Variants in THSD4 observed in about 807,000 individuals in gnomAD.
THSD4 encodes the protein thrombospondin type 1 domain containing 4.
Under a neutral mutation model 119.0 loss-of-function variants are expected in THSD4, and 69 were observed. The ratio of observed to expected loss-of-function variants is 0.58; its 90% CI spans 0.48 to 0.71. The LOEUF is 0.71. Ranked by LOEUF, THSD4 falls within the 30% of genes least tolerant of loss-of-function variation. The pLI is 0.00. For synonymous variants in THSD4, 524 were observed against 540.4 expected, an observed-to-expected ratio of 0.97 and a Z score of 0.42; for missense variants, 1,393 against 1,391.1, an observed-to-expected ratio of 1.00 and a Z score of -0.02.
chr15:71,628,938 G>A (rs1232707770), intron 7 of THSD4, among the ~76,000 whole-genome samples: 1 of 152,206 alleles, frequency 6.6e-6, no homozygotes, highest in African/African-American at 2.4e-5. Flanking sequence ...TATTTATTGA[G>A]TGCCTATGGT....
At chr15:71,410,438 C>T (rs965394497) in intron 6 of THSD4, among the ~76,000 whole-genome samples, 1 of 152,138 alleles carries the variant, frequency 6.6e-6, no homozygotes, top group African/African-American at 2.4e-5. Context: ...AGTACAAATG[C>T]AGGCCAGCCA....
intron 7 of THSD4, among the ~76,000 whole-genome samples, chr15:71,431,966 A>G (rs575475025): frequency 2.0e-5 from 3 of 152,286 alleles, no homozygotes; most frequent in East Asian, 1.9e-4. Context: ...TCAGAAGTCA[A>G]TGGTGGATTA....
At chr15:71,469,792 CAT>C (rs1333080895) in intron 7 of THSD4, among the ~76,000 whole-genome samples, 2 of 152,170 alleles carry the variant, frequency 1.3e-5, no homozygotes, top group African/African-American at 2.4e-5. Context: ...TGGCACCTGA[CAT>C]ATAGCAGGCC....
rs376141945 is a variant in THSD4 at position 71,765,110 on chromosome 15, G to A, written c.2680G>A (p.Glu894Lys). Reference protein sequence around the residue: ...ADTFEVLDPSECSFLEKPPSQ... With the variant: ...ADTFEVLDPSKCSFLEKPPSQ... ...CACCTTTGAAGTGTTGGACCCCTCT[G>A]AATGTTCTTTCCTGGAGAAACCCCC... Residue 894 changes from glutamate (E) to lysine (K), a missense_variant, in exon 16 of 18, where the codon GAA (glutamate) becomes AAA (lysine). By Grantham distance (56) the Glu-to-Lys change is moderately conservative. Transcript: ENST00000261862. 1.6e-4 allele frequency: 266 copies of A among 1,614,232 alleles called. No homozygotes were observed. In the African/African-American group the frequency reaches 3.2e-3, roughly 19 times the overall value.
intron 5 of THSD4, among the ~76,000 whole-genome samples, chr15:71,249,196 C>G (rs1412903376): frequency 6.6e-6 from 1 of 151,976 alleles, no homozygotes; most frequent in African/African-American, 2.4e-5. Flanking sequence ...ACACACCACA[C>G]ACACATATAT....
intron 7 of THSD4, among the ~76,000 whole-genome samples, chr15:71,656,502 C>T (rs2051195492): frequency 6.6e-6 from 1 of 152,186 alleles, no homozygotes; most frequent in African/African-American, 2.4e-5. Flanking sequence ...GGGTTGGTCC[C>T]TCTTAATCCT....
intron 6 of THSD4, among the ~76,000 whole-genome samples, chr15:71,266,806 A>G (rs1283959309): frequency 2.0e-5 from 3 of 152,002 alleles, no homozygotes; most frequent in Non-Finnish European, 4.4e-5. Context: ...CAAGAACTTC[A>G]TGAAGCATAT....
At position 71,763,070 on chromosome 15, in the gene THSD4, C is replaced by CA. The variant is rs1005582492; in HGVS notation, c.2590-1940dup. On this transcript the variant is annotated intron_variant, in intron 15 of 17. Transcript: ENST00000261862. ...TGGGCAACAGAGCAAGACTCCATCT[C>CA]AAAAAAAAAATTTTTTTTTAGTAAA... is the stretch of plus-strand genomic sequence containing the variant. Among the ~76,000 whole-genome samples the CA allele has an allele frequency of 1.3e-3, 193 of 149,132 alleles. 1 individual carries two copies. The East Asian group carries it at 0.013, about 10-fold the overall frequency.
intron 7 of THSD4, among the ~76,000 whole-genome samples, chr15:71,562,053 GA>G (rs2049131450): frequency 6.6e-6 from 1 of 152,138 alleles, no homozygotes; most frequent in Admixed American, 6.5e-5. Flanking sequence ...TACATATGAG[GA>G]TAATGAATTT....
At chr15:71,614,220 C>A (rs1438740856) in intron 7 of THSD4, among the ~76,000 whole-genome samples, 1 of 152,144 alleles carries the variant, frequency 6.6e-6, no homozygotes, top group Non-Finnish European at 1.5e-5. Flanking sequence ...AGAATTCGAC[C>A]CACTTCTTGC....
chr15:71,775,693 A>G (rs2053899978), intron 17 of THSD4, among the ~76,000 whole-genome samples: 1 of 152,220 alleles, frequency 6.6e-6, no homozygotes, highest in South Asian at 2.1e-4. Context: ...CCTGGGTGAT[A>G]CAGCGAGACT....
At chr15:71,433,837 G>T (rs982405435) in intron 7 of THSD4, among the ~76,000 whole-genome samples, 3 of 152,040 alleles carry the variant, frequency 2.0e-5, no homozygotes, top group Non-Finnish European at 2.9e-5. Flanking sequence ...ATATCCCCAG[G>T]CCTCACCATG....
intron 7 of THSD4, among the ~76,000 whole-genome samples, chr15:71,472,689 A>G (rs1051721875): frequency 9.9e-5 from 15 of 152,232 alleles, no homozygotes; most frequent in Non-Finnish European, 1.2e-4. Flanking sequence ...GCGTCTTGGA[A>G]GTCCTGCTCG....
chr15:71,619,918 T>C (rs1180784426), intron 7 of THSD4, among the ~76,000 whole-genome samples: 1 of 152,266 alleles, frequency 6.6e-6, no homozygotes, highest in Admixed American at 6.5e-5. Flanking sequence ...TCAGCTAGTA[T>C]ATATTCGACA....
At chr15:71,613,712 C>T (rs1330735138) in intron 7 of THSD4, among the ~76,000 whole-genome samples, 1 of 152,184 alleles carries the variant, frequency 6.6e-6, no homozygotes, top group Non-Finnish European at 1.5e-5. Flanking sequence ...TGTGCACACA[C>T]AGGATCATAT....
chr15:71,496,788 A>G (rs1478608360), intron 7 of THSD4, among the ~76,000 whole-genome samples: 1 of 152,164 alleles, frequency 6.6e-6, no homozygotes, highest in Non-Finnish European at 1.5e-5. Flanking sequence ...CTCAGTCTCT[A>G]CCATAAGCAA....
At chr15:71,489,652 A>T (rs1595819193) in intron 7 of THSD4, among the ~76,000 whole-genome samples, 1 of 152,068 alleles carries the variant, frequency 6.6e-6, no homozygotes, top group East Asian at 1.9e-4. Context: ...ATTTGTTTTC[A>T]TTTTGTAACC....
chr15:71,728,849 T>C (rs894127449), intron 9 of THSD4, 125 bp downstream of exon 9: 1 of 1,264,556 alleles, frequency 7.9e-7, no homozygotes, highest in East Asian at 2.3e-5. Context: ...GAGCAGAGCC[T>C]GTTGGAGGCA....
At chr15:71,306,307 CAAAAAAAAAAAAAAAAAAA>C in intron 6 of THSD4, among the ~76,000 whole-genome samples, 1 of 62,940 alleles carries the variant, frequency 1.6e-5, no homozygotes, top group East Asian at 5.7e-4. Context: ...ACTCTTGCCT[CAAAAAAAAAAAAAAAAAAA>C]AAAAAAAAAA....
Sources: allele counts gnomAD v4.1 joint callset (sites outside exome capture counted in the v4.1 genomes callset), GRCh38; gene constraint gnomAD v4.1.1; transcripts MANE v1.5; gene names NCBI Gene and HGNC (gene_info 2026-07-23, HGNC 2026-07-21).